Variants in STK11 observed in about 807,000 individuals in gnomAD.
STK11 encodes serine/threonine-protein kinase STK11.
A neutral mutation model predicts 47.3 loss-of-function variants in STK11; 8 were observed. The observed-to-expected ratio is 0.17, with a 90% CI of 0.10 to 0.31. STK11 has a LOEUF of 0.31. STK11 is among the 10% of genes least tolerant of loss of function. The probability of loss-of-function intolerance (pLI) is 1.00; values close to 1 mark genes in which losing one functional copy is unlikely to be tolerated. For missense variants in STK11, 475 were observed against 605.0 expected, an observed-to-expected ratio of 0.79 and a Z score of 2.25; for synonymous variants, 330 against 255.8, an observed-to-expected ratio of 1.29 and a Z score of -2.77.
At position 1,210,415 on chromosome 19, in the gene STK11, G is replaced by A. The variant is rs539601597; in HGVS notation, c.290+3212G>A. The stretch of plus-strand genomic sequence containing the variant: ...TCCAGTTGGTGTGGAAAGCGTGGGC[G>A]ATCACCAAGGGGGGTGGGTTGGGGC... On this transcript the variant is annotated intron_variant, in intron 1 of 9. Transcript: ENST00000326873. Among the ~76,000 whole-genome samples, 20 of 152,334 alleles carry A rather than the reference G, an allele frequency of 1.3e-4. No individual in the cohort carries two copies. The South Asian group carries it at 4.1e-3, about 32-fold the overall frequency.
rs549974432 is a variant in STK11, at chr19:1,206,865, A to C, written c.-49A>C. 3.3e-6 allele frequency: 5 copies of C among 1,525,324 alleles called. No individual in the cohort carries two copies. The African/African-American group carries it at 6.9e-5, about 21-fold the overall frequency. The allele number at this position is 1,525,324 out of a possible 1,614,324, so 94.5% of individuals were successfully genotyped here. On this transcript the variant is annotated 5_prime_UTR_variant, in exon 1 of 10. Transcript: ENST00000326873. ...GTCGGAACACAAGGAAGGACCGCTC[A>C]CCCGCGGACTCAGGGCTGGCGGCGG...
Position 1,211,460 on chromosome 19 carries a change from T to C in STK11, c.290+4257T>C, listed in dbSNP as rs1488755752. ...TGCTGCGGAGCCCACAGTGGGGTTC[T>C]GGGGGGGGGGGTGCAGGCAGAAGGC... On this transcript the variant is annotated intron_variant, in intron 1 of 9. Coordinates refer to ENST00000326873, the MANE Select transcript of STK11 (RefSeq NM_000455.5). 5.3e-4 allele frequency among the ~76,000 whole-genome samples: 74 copies of C among 138,720 alleles called. 1 individual carries two copies. The highest frequency in any genetic ancestry group is 2.0e-3 in the African/African-American group (73 of 37,050). 91.0% of individuals were successfully genotyped at this position (138,720 alleles called of 152,430 possible).
chr19:1,221,559 C>G, intron 6 of STK11: 1 of 719,588 alleles, frequency 1.4e-6, no homozygotes, highest in South Asian at 2.0e-5. Context: ...ACTCCCACCC[C>G]AGAGGGCAGT....
In STK11 at chr19:1,226,683, G is replaced by A. The variant is rs1044825795; in HGVS notation, c.*16+20G>A. 14 of 1,476,888 alleles carry A rather than the reference G, an allele frequency of 9.5e-6. No homozygotes were observed. Among genetic ancestry groups the A allele is most frequent in the Middle Eastern group, 2.4e-4 (1 of 4,124 alleles). 91.5% of individuals were successfully genotyped at this position (1,476,888 alleles called of 1,614,324 possible). On this transcript the variant is annotated intron_variant, in intron 9 of 9. Coordinates refer to ENST00000326873, the MANE Select transcript of STK11 (RefSeq NM_000455.5). Reference sequence around the variant, plus strand: ...CTGCAGGTGGGGCGCGGCGGGGCCCGGGTGGGGCATGTGGGGACAACGCCT... The same window carrying A: ...CTGCAGGTGGGGCGCGGCGGGGCCCAGGTGGGGCATGTGGGGACAACGCCT...
chr19:1,215,477 C>T (rs1221934125), intron 1 of STK11, among the ~76,000 whole-genome samples: 3 of 152,212 alleles, frequency 2.0e-5, no homozygotes, highest in Admixed American at 6.5e-5. Context: ...CTCTGTGCCC[C>T]GTCCCCATCA....
intron 9 of STK11, 111 bp downstream of exon 9, chr19:1,226,774 G>A: frequency 1.8e-5 from 23 of 1,295,362 alleles, no homozygotes; most frequent in Non-Finnish European, 2.3e-5. Flanking sequence ...ACGTGGCTGC[G>A]CGTGGTTGCC....
At chr19:1,207,777 T>C (rs1030727743) in intron 1 of STK11, among the ~76,000 whole-genome samples, 15 of 152,204 alleles carry the variant, frequency 9.9e-5, no homozygotes, top group African/African-American at 3.4e-4. Context: ...GCTGGAAGCA[T>C]CCCTGGCCCC....
intron 1 of STK11, among the ~76,000 whole-genome samples, chr19:1,210,190 A>C (rs1599918436): frequency 6.6e-6 from 1 of 152,216 alleles, no homozygotes; most frequent in South Asian, 2.1e-4. Context: ...TTCTGACTGG[A>C]GGCTGCCATG....
At chr19:1,207,605 C>A (rs1464213385) in intron 1 of STK11, among the ~76,000 whole-genome samples, 1 of 152,228 alleles carries the variant, frequency 6.6e-6, no homozygotes, top group Non-Finnish European at 1.5e-5. Flanking sequence ...CGGCCGCCAA[C>A]ACGTTTTCTG....
Position 1,227,577 on chromosome 19 carries a change from T to G in STK11, c.*17-16T>G. 1 of 1,064,072 alleles carries G rather than the reference T, an allele frequency of 9.4e-7. No individual in the cohort carries two copies. The highest frequency in any genetic ancestry group is 1.1e-6 in the Non-Finnish European group (1 of 878,510). 65.9% of individuals were successfully genotyped at this position (1,064,072 alleles called of 1,614,324 possible). A position where few individuals can be genotyped will look rare whatever the true frequency, so the allele number is the denominator to read the frequency against. On this transcript the variant is annotated splice_polypyrimidine_tract_variant and intron_variant, in intron 9 of 9. Transcript: ENST00000326873. Reference sequence around the variant, plus strand: ...GTGCCCAGGCTGACCTCTTCCGTCTTCCTTCCACCCTGCAGCCCGTGTCCA... The same window carrying G: ...GTGCCCAGGCTGACCTCTTCCGTCTGCCTTCCACCCTGCAGCCCGTGTCCA...
At chr19:1,221,121 G>A (rs1024183532) in intron 5 of STK11, 92 bp from the exon 6 acceptor site, 33 of 1,552,458 alleles carry the variant, frequency 2.1e-5, no homozygotes, top group Middle Eastern at 1.7e-4. Flanking sequence ...CAGCAGCCAC[G>A]GGACGCCTCT....
chr19:1,214,848 C>G (rs1277239286), intron 1 of STK11, among the ~76,000 whole-genome samples: 1 of 152,190 alleles, frequency 6.6e-6, no homozygotes, highest in Non-Finnish European at 1.5e-5. Flanking sequence ...CCTTCCCTGC[C>G]GGTAGCCGGC....
chr19:1,223,943 C>T (rs761713412), intron 8 of STK11: 3 of 1,011,584 alleles, frequency 3.0e-6, no homozygotes. Flanking sequence ...ACTGTTTCAG[C>T]GGGAAGTGGT....
In STK11 at chr19:1,227,756, C is replaced by T. The variant is rs1312190022; in HGVS notation, c.*180C>T. ...GGGCAGGGGGACAGCAGGGACCGGGCGCAGCCCTCCCCCCTCGGCCGCCCG... is the reference window on the plus strand; with the variant it reads ...GGGCAGGGGGACAGCAGGGACCGGGTGCAGCCCTCCCCCCTCGGCCGCCCG... On this transcript the variant is annotated 3_prime_UTR_variant, in exon 10 of 10. Transcript: ENST00000326873. 2 of 1,073,336 alleles carry T rather than the reference C, an allele frequency of 1.9e-6. No homozygotes were observed. Among genetic ancestry groups the T allele is most frequent in the African/African-American group, 1.6e-5 (1 of 61,130 alleles). 66.5% of individuals were successfully genotyped at this position (1,073,336 alleles called of 1,614,324 possible).
At chr19:1,207,330 G>A in intron 1 of STK11, 127 bp downstream of exon 1, 1 of 1,305,450 alleles carries the variant, frequency 7.7e-7, no homozygotes, top group Non-Finnish European at 1.0e-6. Flanking sequence ...GACCCGTCTG[G>A]CGCCTGTGTC....
intron 8 of STK11, among the ~76,000 whole-genome samples, chr19:1,223,482 G>A (rs530908567): frequency 6.0e-4 from 91 of 152,360 alleles, no homozygotes; most frequent in African/African-American, 2.1e-3. Context: ...AGCAGGAGCA[G>A]GCGGGGGAGC....
At position 1,205,913 on chromosome 19, in the gene STK11, C is replaced by A. The variant is rs1599913541; in HGVS notation, c.-1001C>A. The A allele has an allele frequency of 5.6e-6, 1 of 177,902 alleles. No individual in the cohort carries two copies. The highest frequency in any genetic ancestry group is 2.4e-5 in the African/African-American group (1 of 42,346). The allele number at this position is 177,902 out of a possible 1,614,324, so 11.0% of individuals were successfully genotyped here. ...GCCGCGGCCTTGGATGGGCTGGGCC[C>A]CCCTCGCCGCTCCGCCTCCTCCACA... On this transcript the variant is annotated 5_prime_UTR_variant, in exon 1 of 10. Coordinates refer to ENST00000326873, the MANE Select transcript of STK11 (RefSeq NM_000455.5).
intron 6 of STK11, chr19:1,221,635 G>T (rs2080785137): frequency 1.7e-6 from 1 of 586,226 alleles, no homozygotes; most frequent in Non-Finnish European, 3.0e-6. Flanking sequence ...TGTCAGGGTT[G>T]TCCTGCTGCA....
chr19:1,222,946 G>C (rs2080795273), intron 7 of STK11, 39 bp from the exon 8 acceptor site: 2 of 1,511,640 alleles, frequency 1.3e-6, no homozygotes. Context: ...CCGCCCTGGT[G>C]CCAGCCTGAC....
Sources: allele counts gnomAD v4.1 joint callset (sites outside exome capture counted in the v4.1 genomes callset), GRCh38; gene constraint gnomAD v4.1.1; transcripts MANE v1.5; gene names NCBI Gene and HGNC (gene_info 2026-07-23, HGNC 2026-07-21).